The following GRM8 variants were observed in gnomAD, a reference collection of about 807,000 sequenced individuals.
GRM8 encodes glutamate metabotropic receptor 8.
A neutral mutation model predicts 87.2 loss-of-function variants in GRM8; 47 were observed. The ratio of observed to expected loss-of-function variants is 0.54; its 90% CI spans 0.43 to 0.69. The LOEUF (loss-of-function observed/expected upper bound fraction) is 0.69. Ranked by LOEUF, GRM8 falls within the 30% of genes least tolerant of loss-of-function variation. The probability of loss-of-function intolerance (pLI) is 0.00; values close to 1 mark genes in which losing one functional copy is unlikely to be tolerated. For missense variants in GRM8, 1,019 were observed against 1,139.2 expected, an observed-to-expected ratio of 0.89 and a Z score of 1.52; for synonymous variants, 396 against 404.5, an observed-to-expected ratio of 0.98 and a Z score of 0.25.
chr7:126,772,037 T>G (rs1818898822), intron 6 of GRM8, among the ~76,000 whole-genome samples: 1 of 152,156 alleles, frequency 6.6e-6, no homozygotes, highest in Admixed American at 6.6e-5. Flanking sequence ...CCCTTTCCAC[T>G]TCTGCCTAAA....
intron 3 of GRM8, among the ~76,000 whole-genome samples, chr7:126,917,882 C>T (rs1384463891): frequency 6.6e-6 from 1 of 152,180 alleles, no homozygotes; most frequent in Admixed American, 6.5e-5. Flanking sequence ...GACATCCTCT[C>T]AAAAGAGCCT....
At chr7:126,769,815 C>A in intron 7 of GRM8, 50 bp downstream of exon 7, 1 of 1,244,210 alleles carries the variant, frequency 8.0e-7, no homozygotes, top group Non-Finnish European at 1.2e-6. Flanking sequence ...GGAGGAAAAA[C>A]ACACCCTGTC....
chr7:126,904,874 T>C (rs1802521022), intron 3 of GRM8, among the ~76,000 whole-genome samples, 191 bp from the exon 4 acceptor site: 1 of 152,210 alleles, frequency 6.6e-6, no homozygotes, highest in South Asian at 2.1e-4. Context: ...ACAACAATTA[T>C]TAATCAGACA....
intron 8 of GRM8, among the ~76,000 whole-genome samples, chr7:126,574,859 G>T (rs1195358484): frequency 6.6e-6 from 1 of 152,024 alleles, no homozygotes. Flanking sequence ...TGACTGTTAA[G>T]GTGTGGACTC....
At chr7:127,241,600 A>T (rs1446052150) in intron 2 of GRM8, among the ~76,000 whole-genome samples, 1 of 151,906 alleles carries the variant, frequency 6.6e-6, no homozygotes, top group Non-Finnish European at 1.5e-5. Flanking sequence ...TGCCGGGCTA[A>T]TTTTTTGTAT....
At position 126,619,509 on chromosome 7, in the gene GRM8, A is replaced by G. The variant is rs897962427; in HGVS notation, c.1358-10011T>C. On this transcript the variant is annotated intron_variant, in intron 7 of 10. Coordinates refer to ENST00000339582, the MANE Select transcript of GRM8 (RefSeq NM_000845.3). ...GCACATGTACCCTAGAACTTAAAGT[A>G]TAATAAGAAAAAAGGAAAAAAAAGA... Among the ~76,000 whole-genome samples, 8 of 151,978 alleles carry G rather than the reference A, an allele frequency of 5.3e-5. 1 individual carries two copies. The highest frequency in any genetic ancestry group is 5.2e-4 in the Admixed American group (8 of 15,250).
intron 8 of GRM8, among the ~76,000 whole-genome samples, chr7:126,547,723 A>G (rs1166923830): frequency 1.3e-5 from 2 of 152,106 alleles, no homozygotes; most frequent in African/African-American, 4.8e-5. Flanking sequence ...ATTAAACAAA[A>G]ATATCAAAAT....
intron 6 of GRM8, among the ~76,000 whole-genome samples, chr7:126,792,940 C>A (rs1482011889): frequency 6.6e-6 from 1 of 152,194 alleles, no homozygotes; most frequent in Non-Finnish European, 1.5e-5. Flanking sequence ...TTTTCTCCTT[C>A]TCTACTGAAG....
chr7:126,735,015 C>T (rs1814036047), intron 7 of GRM8, among the ~76,000 whole-genome samples: 1 of 151,988 alleles, frequency 6.6e-6, no homozygotes, highest in Non-Finnish European at 1.5e-5. Flanking sequence ...ATATTTTTGG[C>T]CAATCCAGGC....
At chr7:126,960,492 T>C (rs947157343) in intron 3 of GRM8, among the ~76,000 whole-genome samples, 9 of 152,224 alleles carry the variant, frequency 5.9e-5, no homozygotes, top group Admixed American at 3.9e-4. Context: ...CCAAAGACTA[T>C]ACTATTCTTA....
chr7:126,753,502 T>A (rs1816671415), intron 7 of GRM8, among the ~76,000 whole-genome samples: 1 of 151,534 alleles, frequency 6.6e-6, no homozygotes, highest in South Asian at 2.1e-4. Flanking sequence ...ATATTAAAAC[T>A]AAAAGCATTA....
intron 2 of GRM8, among the ~76,000 whole-genome samples, chr7:127,123,753 T>C (rs1012445446): frequency 6.6e-6 from 1 of 152,178 alleles, no homozygotes; most frequent in African/African-American, 2.4e-5. Context: ...TGTTTCAATA[T>C]GGGTCAAATA....
chr7:126,546,120 T>G (rs1162568276), intron 8 of GRM8, among the ~76,000 whole-genome samples: 2 of 152,138 alleles, frequency 1.3e-5, no homozygotes, highest in African/African-American at 4.8e-5. Context: ...AACATAAAGA[T>G]GATAATAATA....
intron 3 of GRM8, among the ~76,000 whole-genome samples, chr7:126,940,309 C>T (rs1401424661): frequency 6.6e-6 from 1 of 152,132 alleles, no homozygotes; most frequent in African/African-American, 2.4e-5. Context: ...AGTGTTTCCT[C>T]TTGCAGGTTT....
chr7:126,583,046 T>C (rs1212150074), intron 8 of GRM8, among the ~76,000 whole-genome samples: 1 of 152,168 alleles, frequency 6.6e-6, no homozygotes, highest in Non-Finnish European at 1.5e-5. Context: ...TTGAATTTCA[T>C]GTCTTATTAC....
chr7:126,937,945 G>A (rs1291956528), intron 3 of GRM8, among the ~76,000 whole-genome samples: 4 of 152,152 alleles, frequency 2.6e-5, no homozygotes, highest in Admixed American at 2.6e-4. Flanking sequence ...ATACTTAGAT[G>A]CTAGGGAGAC....
rs772288519 is a variant in GRM8 at position 126,609,394 on chromosome 7, T to C, written c.1462A>G (p.Ile488Val). ...TGAAGCTGATTGGTCCAGTGGCCGA[T>C]GACTTTGTACTCTGTGCTTTTGTTG... is the stretch of plus-strand genomic sequence containing the variant. ...ITNKSTEYKV[I>V]GHWTNQLHLK... The change falls in exon 8 of 11, where the codon ATC (isoleucine) becomes GTC (valine). Residue 488 changes from isoleucine (I) to valine (V), a missense_variant. Physicochemically the swap from Ile to Val is conservative, Grantham distance 29 (BLOSUM62 3). Transcript: ENST00000339582. 5 of 1,613,642 alleles carry C rather than the reference T, an allele frequency of 3.1e-6. No homozygotes were observed. Among genetic ancestry groups the C allele is most frequent in the African/African-American group, 2.7e-5 (2 of 74,942 alleles).
chr7:126,439,525 A>G (rs1199953789), intron 10 of GRM8, among the ~76,000 whole-genome samples: 7 of 152,168 alleles, frequency 4.6e-5, no homozygotes, highest in Admixed American at 4.6e-4. Flanking sequence ...CATAGCACAT[A>G]CAATTATATA....
At chr7:126,839,379 T>C (rs1376822600) in intron 6 of GRM8, among the ~76,000 whole-genome samples, 1 of 152,178 alleles carries the variant, frequency 6.6e-6, no homozygotes, top group Admixed American at 6.6e-5. Flanking sequence ...GTGATTTATA[T>C]GCACATGAAT....
Sources: gnomAD v4.1 joint callset for allele counts (sites outside exome capture counted in the v4.1 genomes callset) on GRCh38, gnomAD v4.1.1 for gene constraint, MANE v1.5 for transcripts, NCBI Gene and HGNC (gene_info 2026-07-23, HGNC 2026-07-21) for gene names.